The following NGEF variants were observed in gnomAD, a reference collection of about 807,000 sequenced individuals.
NGEF encodes the protein neuronal guanine nucleotide exchange factor.
A neutral mutation model predicts 80.9 loss-of-function variants in NGEF; 31 were observed. The ratio of observed to expected loss-of-function variants is 0.38; its 90% CI spans 0.29 to 0.52. NGEF has a LOEUF of 0.52. Ranked by LOEUF, NGEF falls within the 20% of genes least tolerant of loss-of-function variation. The pLI is 0.84. For missense variants in NGEF, 709 were observed against 926.2 expected (o/e 0.77, Z 3.04); for synonymous variants, 371 against 370.2 (o/e 1.00, Z -0.03).
intron 2 of NGEF, among the ~76,000 whole-genome samples, chr2:232,970,915 C>G (rs2106321468): frequency 6.6e-6 from 1 of 152,278 alleles, no homozygotes; most frequent in African/African-American, 2.4e-5. Flanking sequence ...ACAAACCTGG[C>G]TAATATTTAC....
intron 3 of NGEF, among the ~76,000 whole-genome samples, chr2:232,951,953 G>C (rs1434049264): frequency 6.6e-6 from 1 of 152,090 alleles, no homozygotes; most frequent in African/African-American, 2.4e-5. Flanking sequence ...AGACGTTTCT[G>C]CCACAGTTGA....
At chr2:232,975,108 T>C in intron 1 of NGEF, 144 bp from the exon 2 acceptor site, 1 of 563,508 alleles carries the variant, frequency 1.8e-6, no homozygotes, top group Non-Finnish European at 3.1e-6. Context: ...CACTGAAAAT[T>C]ACAGCTTAAT....
At chr2:232,970,694 G>T (rs1273197788) in intron 2 of NGEF, among the ~76,000 whole-genome samples, 1 of 151,832 alleles carries the variant, frequency 6.6e-6, no homozygotes, top group Non-Finnish European at 1.5e-5. Context: ...GGATGCCTGT[G>T]ATCCAAGCTA....
At chr2:232,887,754 C>T (rs1020331365) in intron 9 of NGEF, among the ~76,000 whole-genome samples, 59 of 152,256 alleles carry the variant, frequency 3.9e-4, no homozygotes, top group Middle Eastern at 3.4e-3. Flanking sequence ...CTGAGAGCCA[C>T]GCTGCTGTCC....
At chr2:232,955,493 T>A (rs1277065065) in intron 3 of NGEF, among the ~76,000 whole-genome samples, 1 of 152,162 alleles carries the variant, frequency 6.6e-6, no homozygotes, top group African/African-American at 2.4e-5. Flanking sequence ...CTGGGAGCAG[T>A]TCTTCAGTCT....
intron 5 of NGEF, among the ~76,000 whole-genome samples, chr2:232,913,149 C>T (rs778364): frequency 0.24 from 36,107 of 152,098 alleles, 4,625 homozygotes; most frequent in Non-Finnish European, 0.29. Flanking sequence ...AAATCTCCTT[C>T]GAAACACTGC....
At chr2:232,939,532 ATTGTTCCT>A (rs745880504) in intron 3 of NGEF, among the ~76,000 whole-genome samples, 5 of 152,206 alleles carry the variant, frequency 3.3e-5, no homozygotes, top group Admixed American at 6.5e-5. Context: ...ATAATAAGAA[ATTGTTCCT>A]TGAAAATTAC....
chr2:232,938,149 C>A (rs1693364677), intron 3 of NGEF, among the ~76,000 whole-genome samples: 1 of 152,134 alleles, frequency 6.6e-6, no homozygotes, highest in Non-Finnish European at 1.5e-5. Flanking sequence ...CTGGAGATTG[C>A]TACGCTGAAT....
chr2:232,940,740 C>G (rs972882408), intron 3 of NGEF, among the ~76,000 whole-genome samples: 2 of 152,098 alleles, frequency 1.3e-5, no homozygotes, highest in Admixed American at 6.6e-5. Context: ...TGGTAGTATG[C>G]TCTTACTTTG....
rs927024954 is a variant in NGEF, at chr2:232,972,275, C to CA, written c.269-1948dup. ...CTCAACAGATTTCAAAGACTTCATG[C>CA]AAAAAAAAGGAATGTAAACTATTTC... On this transcript the variant is annotated intron_variant, in intron 2 of 14. Coordinates refer to ENST00000264051, the MANE Select transcript of NGEF (RefSeq NM_019850.3). 3.3e-5 allele frequency among the ~76,000 whole-genome samples: 5 copies of CA among 150,880 alleles called. 1 individual carries two copies. The highest frequency in any genetic ancestry group is 2.1e-4 in the South Asian group (1 of 4,802).
chr2:233,012,497 G>T, intron 1 of NGEF: 1 of 215,778 alleles, frequency 4.6e-6, no homozygotes, highest in Non-Finnish European at 9.3e-6. Flanking sequence ...AAGCGCAGTG[G>T]GCTGTCACTT....
intron 1 of NGEF, among the ~76,000 whole-genome samples, chr2:232,987,025 CTTTT>C (rs969232512): frequency 1.3e-5 from 2 of 151,082 alleles, no homozygotes; most frequent in African/African-American, 4.9e-5. Context: ...CTCTTTCTTT[CTTTT>C]TTTTTGAGAC....
intron 1 of NGEF, among the ~76,000 whole-genome samples, chr2:233,012,210 T>G (rs571013751): frequency 6.6e-6 from 1 of 152,160 alleles, no homozygotes; most frequent in South Asian, 2.1e-4. Context: ...ACACTGATAG[T>G]CAATGGAACA....
intron 5 of NGEF, among the ~76,000 whole-genome samples, chr2:232,907,856 C>T (rs1462387837): frequency 3.9e-5 from 6 of 152,148 alleles, no homozygotes; most frequent in Admixed American, 2.6e-4. Context: ...CACCTGTAAT[C>T]CCCGCACTTT....
chr2:232,954,283 A>C (rs1408970037), intron 3 of NGEF, among the ~76,000 whole-genome samples: 1 of 152,176 alleles, frequency 6.6e-6, no homozygotes, highest in Non-Finnish European at 1.5e-5. Flanking sequence ...TCATTCATTC[A>C]TTAACTGTCT....
At chr2:232,888,244 A>ACACGCATACATGCATG in intron 8 of NGEF, 137 bp from the exon 9 acceptor site, 7 of 634,524 alleles carry the variant, frequency 1.1e-5, no homozygotes, top group Non-Finnish European at 2.0e-5. Context: ...ACACGCACGC[A>ACACGCATACATGCATG]CGCACACGCA....
intron 3 of NGEF, among the ~76,000 whole-genome samples, chr2:232,952,859 C>T (rs1304425161): frequency 2.0e-5 from 3 of 149,270 alleles, no homozygotes; most frequent in African/African-American, 7.4e-5. Flanking sequence ...ATCCCAGCTA[C>T]TCCAGAGGCT....
At chr2:232,977,186 T>G (rs943096145) in intron 1 of NGEF, among the ~76,000 whole-genome samples, 2 of 152,098 alleles carry the variant, frequency 1.3e-5, no homozygotes, top group African/African-American at 4.8e-5. Context: ...GCTTCCAACC[T>G]GGCCAGATGA....
At chr2:232,916,856 C>T (rs755481044) in intron 5 of NGEF, among the ~76,000 whole-genome samples, 2 of 152,220 alleles carry the variant, frequency 1.3e-5, no homozygotes, top group South Asian at 2.1e-4. Context: ...TGGTCTCAGA[C>T]GCGCACAGAG....
Sources: allele counts gnomAD v4.1 joint callset (sites outside exome capture counted in the v4.1 genomes callset), GRCh38; gene constraint gnomAD v4.1.1; transcripts MANE v1.5; gene names NCBI Gene and HGNC (gene_info 2026-07-23, HGNC 2026-07-21).